The following CACNB2 variants were observed in gnomAD, a reference collection of about 807,000 sequenced individuals.
CACNB2 encodes voltage-dependent L-type calcium channel subunit beta-2.
A neutral mutation model predicts 73.3 loss-of-function variants in CACNB2; 42 were observed. The observed-to-expected ratio is 0.57, with a 90% CI of 0.45 to 0.74. CACNB2 has a LOEUF of 0.74. CACNB2 is among the 30% of genes least tolerant of loss of function. CACNB2 has a pLI of 0.00. For synonymous variants in CACNB2, 348 were observed against 310.3 expected, an observed-to-expected ratio of 1.12 and a Z score of -1.28; for missense variants, 940 against 853.0, an observed-to-expected ratio of 1.10 and a Z score of -1.27.
chr10:18,488,173 A>G (rs2049171086), intron 3 of CACNB2, among the ~76,000 whole-genome samples: 1 of 151,812 alleles, frequency 6.6e-6, no homozygotes, highest in South Asian at 2.1e-4. Context: ...GAAGATCTAA[A>G]TAAATAAAAA....
At chr10:18,154,101 A>T (rs975720151) in intron 2 of CACNB2, among the ~76,000 whole-genome samples, 2 of 152,000 alleles carry the variant, frequency 1.3e-5, no homozygotes, top group Non-Finnish European at 2.9e-5. Context: ...GATTAAAAAT[A>T]GTTCCTATAT....
At chr10:18,448,479 T>TAAAAAAAAAAAAAAAAAAAAAA (rs56255761) in intron 3 of CACNB2, among the ~76,000 whole-genome samples, 2 of 107,064 alleles carry the variant, frequency 1.9e-5, no homozygotes, top group East Asian at 2.8e-4. Flanking sequence ...CTCTCTCATT[T>TAAAAAAAAAAAAAAAAAAAAAA]AAAAAAAAAA....
intron 2 of CACNB2, among the ~76,000 whole-genome samples, chr10:18,242,893 C>A (rs1210736380): frequency 2.7e-5 from 4 of 150,622 alleles, no homozygotes; most frequent in African/African-American, 9.8e-5. Context: ...ACCTGTAGTC[C>A]CAGCTATTCG....
chr10:18,517,248 G>T (rs2051371674), intron 7 of CACNB2, among the ~76,000 whole-genome samples: 1 of 152,066 alleles, frequency 6.6e-6, no homozygotes, highest in Non-Finnish European at 1.5e-5. Context: ...GCAATGATTT[G>T]CTTATCGCAG....
At chr10:18,220,232 T>TATATATATAGAGAGAGAGAG (rs1488872721) in intron 2 of CACNB2, among the ~76,000 whole-genome samples, 1 of 25,084 alleles carries the variant, frequency 4.0e-5, no homozygotes, top group Non-Finnish European at 6.2e-5. Flanking sequence ...TATATATATA[T>TATATATATAGAGAGAGAGAG]AGAGAGAGAG....
intron 3 of CACNB2, among the ~76,000 whole-genome samples, chr10:18,473,803 A>G (rs1019249649): frequency 1.3e-5 from 2 of 152,214 alleles, no homozygotes; most frequent in African/African-American, 4.8e-5. Flanking sequence ...GCAATCGAAA[A>G]CTGCCATCTA....
chr10:18,141,357 G>A, intron 1 of CACNB2: 1 of 790,118 alleles, frequency 1.3e-6, no homozygotes, highest in South Asian at 1.6e-5. Flanking sequence ...CGAATATGGG[G>A]GTGCCCTGCC....
chr10:18,499,427 C>T (rs1227631222), intron 4 of CACNB2, among the ~76,000 whole-genome samples: 1 of 151,860 alleles, frequency 6.6e-6, no homozygotes, highest in South Asian at 2.1e-4. Flanking sequence ...ACCATCCTGG[C>T]CAACATGGTG....
At position 18,283,488 on chromosome 10, in the gene CACNB2, C is replaced by T. The variant is rs111238922; in HGVS notation, c.214-118436C>T. On this transcript the variant is annotated intron_variant, in intron 2 of 13. Coordinates refer to ENST00000324631, the MANE Select transcript of CACNB2 (RefSeq NM_201596.3). ...ATATACACCATGGAACACTATGCAGCCATAAAAAAGGATGAGTTCATGTCC... is the reference window on the plus strand; with the variant it reads ...ATATACACCATGGAACACTATGCAGTCATAAAAAAGGATGAGTTCATGTCC... Among the ~76,000 whole-genome samples the T allele has an allele frequency of 6.1e-3, 931 of 152,076 alleles. 10 individuals are homozygous for T. The highest frequency in any genetic ancestry group is 0.021 in the African/African-American group (887 of 41,478).
intron 2 of CACNB2, among the ~76,000 whole-genome samples, chr10:18,153,556 G>C (rs2031777650): frequency 8.0e-6 from 1 of 125,060 alleles, no homozygotes; most frequent in South Asian, 2.7e-4. Flanking sequence ...GGGCACACTA[G>C]ATTTTACTTA....
intron 3 of CACNB2, among the ~76,000 whole-genome samples, chr10:18,483,911 C>A (rs1358268905): frequency 6.6e-6 from 1 of 152,108 alleles, no homozygotes; most frequent in East Asian, 1.9e-4. Flanking sequence ...CTGTCCTCGC[C>A]ACAGAATACA....
intron 8 of CACNB2, 59 bp downstream of exon 8, chr10:18,518,475 G>T (rs751007959): frequency 9.0e-5 from 102 of 1,132,314 alleles, no homozygotes; most frequent in Non-Finnish European, 1.2e-4. Flanking sequence ...TTGTGATGCT[G>T]CCTCCTACTC....
chr10:18,437,984 G>T (rs2046220939), intron 3 of CACNB2, among the ~76,000 whole-genome samples: 1 of 148,974 alleles, frequency 6.7e-6, no homozygotes, highest in African/African-American at 2.5e-5. Flanking sequence ...GGGGTGTCGG[G>T]ATACCTGGCC....
At chr10:18,519,779 TTA>T (rs1254529710) in intron 9 of CACNB2, 3 of 455,722 alleles carry the variant, frequency 6.6e-6, no homozygotes, top group Non-Finnish European at 1.3e-5. Flanking sequence ...CCTACCCCAG[TTA>T]TGTTTTCACC....
At chr10:18,356,556 C>T (rs560374497) in intron 2 of CACNB2, among the ~76,000 whole-genome samples, 107 of 152,272 alleles carry the variant, frequency 7.0e-4, no homozygotes, top group African/African-American at 2.5e-3. Flanking sequence ...ATTCACATCA[C>T]CCAGTTTGCT....
intron 9 of CACNB2, among the ~76,000 whole-genome samples, chr10:18,527,221 CA>C (rs1212585288): frequency 3.3e-5 from 5 of 151,988 alleles, no homozygotes; most frequent in African/African-American, 1.2e-4. Context: ...ACTGAAAATA[CA>C]AAAATTAGCC....
At chr10:18,411,898 C>G (rs543759561) in intron 3 of CACNB2, among the ~76,000 whole-genome samples, 1 of 152,306 alleles carries the variant, frequency 6.6e-6, no homozygotes, top group South Asian at 2.1e-4. Context: ...TCCTTACTCT[C>G]GAAGTTCTTG....
At chr10:18,140,879 T>A in intron 1 of CACNB2, 23 bp downstream of exon 1, 1 of 1,581,308 alleles carries the variant, frequency 6.3e-7, no homozygotes, top group East Asian at 2.3e-5. Context: ...CGGCGCCTTC[T>A]CCTTCCTTTG....
chr10:18,379,671 C>G (rs952150772), intron 2 of CACNB2, among the ~76,000 whole-genome samples: 5 of 152,144 alleles, frequency 3.3e-5, no homozygotes, highest in Non-Finnish European at 7.3e-5. Context: ...ACTCCCCAGC[C>G]CCAGCACCCA....
Sources: gnomAD v4.1 joint callset for allele counts (sites outside exome capture counted in the v4.1 genomes callset) on GRCh38, gnomAD v4.1.1 for gene constraint, MANE v1.5 for transcripts, NCBI Gene and HGNC (gene_info 2026-07-23, HGNC 2026-07-21) for gene names.